KIR2DL3: variants seen among roughly 807,000 people sequenced by gnomAD.
KIR2DL3 encodes killer cell immunoglobulin like receptor, two Ig domains and long cytoplasmic tail 3, also known as killer cell immunoglobulin-like receptor 2DL3.
KIR2DL3 carries 39 observed loss-of-function variants against 33.8 expected under a neutral mutation model. The observed-to-expected ratio is 1.15, with a 90% CI of 0.89 to 1.51. The LOEUF is 1.51. KIR2DL3 is among the 40% of genes most tolerant of loss of function. KIR2DL3 has a pLI of 0.00. For missense variants in KIR2DL3, 462 were observed against 426.2 expected (o/e 1.08, Z -0.74); for synonymous variants, 174 against 160.2 (o/e 1.09, Z -0.65).
In KIR2DL3 at chr19:54,747,505, C is replaced by T. The variant is rs879058103; in HGVS notation, c.715+120C>T. The T allele has an allele frequency of 3.3e-3, 4,295 of 1,309,210 alleles. 89 individuals carry two copies. The African/African-American group carries it at 0.052, about 16-fold the overall frequency. 81.1% of individuals were successfully genotyped at this position (1,309,210 alleles called of 1,614,324 possible). A position where few individuals can be genotyped will look rare whatever the true frequency, so the allele number is the denominator to read the frequency against. Reference sequence around the variant, plus strand: ...TTGTACGCCTGTCTTCTACCATCTCCGAACTCCAGATACTCCAACAGCGAA... The same window carrying T: ...TTGTACGCCTGTCTTCTACCATCTCTGAACTCCAGATACTCCAACAGCGAA... On this transcript the variant is annotated intron_variant, in intron 5 of 7. Transcript: ENST00000342376.
At chr19:54,741,673 G>T (rs1487205633) in intron 2 of KIR2DL3, among the ~76,000 whole-genome samples, 2 of 151,762 alleles carry the variant, frequency 1.3e-5, no homozygotes, top group Non-Finnish European at 2.9e-5. Context: ...GCCTATCCTG[G>T]TTCCTCTTTC....
chr19:54,745,259 G>A (rs1426066595), intron 4 of KIR2DL3, among the ~76,000 whole-genome samples: 11 of 152,108 alleles, frequency 7.2e-5, no homozygotes, highest in Non-Finnish European at 1.6e-4. Flanking sequence ...CCAATCATAC[G>A]AGTGCAGATA....
intron 1 of KIR2DL3, among the ~76,000 whole-genome samples, chr19:54,739,105 A>ATGT (rs2070448042): frequency 8.6e-6 from 1 of 115,884 alleles, no homozygotes; most frequent in African/African-American, 3.3e-5. Context: ...GGGCCTAGGA[A>ATGT]GGAGATATGG....
At chr19:54,750,618 C>T (rs2073274096) in intron 5 of KIR2DL3, among the ~76,000 whole-genome samples, 1 of 137,562 alleles carries the variant, frequency 7.3e-6, no homozygotes, top group African/African-American at 2.7e-5. Context: ...AATCCCAGTG[C>T]AGTCTTCCCA....
chr19:54,748,258 T>C (rs1260587558), intron 5 of KIR2DL3, among the ~76,000 whole-genome samples: 1 of 151,874 alleles, frequency 6.6e-6, no homozygotes, highest in Non-Finnish European at 1.5e-5. Flanking sequence ...CCTTATCTTT[T>C]GAAAACTTGG....
chr19:54,740,758 T>A (rs9797807), intron 2 of KIR2DL3, among the ~76,000 whole-genome samples: 2 of 148,088 alleles, frequency 1.4e-5, no homozygotes, highest in Non-Finnish European at 1.5e-5. Flanking sequence ...CTGTGACTAT[T>A]TATGTTATAG....
intron 4 of KIR2DL3, among the ~76,000 whole-genome samples, chr19:54,745,517 C>T (rs1362483781): frequency 3.3e-5 from 5 of 151,856 alleles, no homozygotes; most frequent in African/African-American, 1.2e-4. Context: ...TGCACGCCAC[C>T]ATGCCTGGCT....
At chr19:54,746,424 C>T (rs1337436488) in intron 4 of KIR2DL3, among the ~76,000 whole-genome samples, 5 of 146,420 alleles carry the variant, frequency 3.4e-5, no homozygotes, top group African/African-American at 1.3e-4. Flanking sequence ...ATTTTTGCTT[C>T]GATTACTTGT....
chr19:54,740,856 G>A (rs2070930637), intron 2 of KIR2DL3, among the ~76,000 whole-genome samples: 2 of 152,008 alleles, frequency 1.3e-5, no homozygotes, highest in African/African-American at 2.4e-5. Context: ...GGGTGCACAT[G>A]AAAGGAGGAG....
At chr19:54,744,456 C>A (rs2071874559) in intron 4 of KIR2DL3, among the ~76,000 whole-genome samples, 1 of 152,164 alleles carries the variant, frequency 6.6e-6, no homozygotes, top group African/African-American at 2.4e-5. Context: ...ACCAGCAACC[C>A]CTACACCCTT....
At chr19:54,744,570 A>G (rs1197834713) in intron 4 of KIR2DL3, among the ~76,000 whole-genome samples, 3 of 150,464 alleles carry the variant, frequency 2.0e-5, no homozygotes, top group South Asian at 2.1e-4. Flanking sequence ...TCTGTCCCCT[A>G]TGCTGGAGTG....
Position 54,738,601 on chromosome 19 carries a change from A to C in KIR2DL3, c.34+22A>C, listed in dbSNP as rs1443124981. 5 of 1,613,950 alleles carry C rather than the reference A, an allele frequency of 3.1e-6. No homozygotes were observed. In the South Asian group the frequency reaches 4.4e-5, roughly 14 times the overall value. ...GTTGGTGAGTCCTGGAAGGGCATCG[A>C]GGGAGGGAGTGCGGGGATGGAGATC... On this transcript the variant is annotated intron_variant, in intron 1 of 7. Coordinates refer to ENST00000342376, the MANE Select transcript of KIR2DL3 (RefSeq NM_015868.3).
intron 4 of KIR2DL3, among the ~76,000 whole-genome samples, chr19:54,744,660 G>A (rs1224554148): frequency 8.8e-4 from 133 of 150,376 alleles, no homozygotes; most frequent in African/African-American, 3.1e-3. Context: ...CTGAGTAGCT[G>A]GTGCTACAGG....
chr19:54,743,340 AGAT>A (rs1254939463), intron 3 of KIR2DL3, among the ~76,000 whole-genome samples: 1 of 152,154 alleles, frequency 6.6e-6, no homozygotes, highest in African/African-American at 2.4e-5. Context: ...TATAAATAAC[AGAT>A]GATTGATGGA....
rs2071278385 is a variant in KIR2DL3, at chr19:54,742,173, T to C, written c.264T>C (p.Gly88=). The change falls in exon 3 of 8, where the codon GGT becomes GGC. Residue 88 remains glycine (G), a synonymous_variant. Transcript: ENST00000342376. ...TCTCCAAGGCCAACTTCTCCATCGG[T>C]CCCATGATGCAAGACCTTGCAGGGA... The part of the protein sequence containing the change: ...DGVSKANFSI[G]PMMQDLAGTY... 1.2e-6 allele frequency: 2 copies of C among 1,613,986 alleles called. No individual in the cohort carries two copies. Among genetic ancestry groups the C allele is most frequent in the Middle Eastern group, 1.7e-4 (1 of 6,060 alleles).
intron 4 of KIR2DL3, 31 bp downstream of exon 4, chr19:54,744,119 T>C (rs1288122811): frequency 1.9e-6 from 3 of 1,613,344 alleles, no homozygotes; most frequent in Non-Finnish European, 8.5e-7. Flanking sequence ...TCTCATGTCC[T>C]ATGATCCTAG....
At chr19:54,746,316 G>A (rs2072479048) in intron 4 of KIR2DL3, among the ~76,000 whole-genome samples, 1 of 135,948 alleles carries the variant, frequency 7.4e-6, no homozygotes, top group Non-Finnish European at 1.6e-5. Context: ...TGCATAGTTT[G>A]CACATATTTG....
intron 5 of KIR2DL3, among the ~76,000 whole-genome samples, chr19:54,748,972 G>C (rs2073006504): frequency 6.6e-6 from 1 of 151,746 alleles, no homozygotes; most frequent in Non-Finnish European, 1.5e-5. Context: ...ATGATTTCAG[G>C]TGACAAAGAA....
intron 2 of KIR2DL3, among the ~76,000 whole-genome samples, chr19:54,740,401 C>A (rs1459365832): frequency 6.6e-6 from 1 of 151,718 alleles, no homozygotes; most frequent in East Asian, 1.9e-4. Flanking sequence ...GGTGCCTGTC[C>A]CTGAGCTCTA....
Sources: allele counts gnomAD v4.1 joint callset (sites outside exome capture counted in the v4.1 genomes callset), GRCh38; gene constraint gnomAD v4.1.1; transcripts MANE v1.5; gene names NCBI Gene and HGNC (gene_info 2026-07-23, HGNC 2026-07-21).